Variants in RMDN1 observed in about 807,000 individuals in gnomAD.
RMDN1 encodes regulator of microtubule dynamics protein 1.
In RMDN1, 48 loss-of-function variants were observed where a neutral mutation model predicts 48.9. That is an observed-to-expected ratio of 0.98 (90% CI 0.78 to 1.25). The LOEUF (loss-of-function observed/expected upper bound fraction) is 1.25. Among genes scored for constraint, RMDN1 ranks in the 50% most tolerant of loss-of-function variants. RMDN1 has a pLI of 0.00. For missense variants in RMDN1, 418 were observed against 373.4 expected (o/e 1.12, Z -0.98); for synonymous variants, 148 against 132.6 (o/e 1.12, Z -0.80).
upstream of RMDN1, among the ~76,000 whole-genome samples, chr8:86,513,169 G>A (rs903306738): frequency 7.2e-5 from 11 of 152,188 alleles, no homozygotes; most frequent in Non-Finnish European, 7.4e-5. Context: ...GAGGTCGGGA[G>A]TTCAAGACTA....
chr8:86,468,614 T>G, downstream of RMDN1: 2 of 449,396 alleles, frequency 4.5e-6, no homozygotes, highest in Non-Finnish European at 8.9e-6. Flanking sequence ...TTTAGCAGAT[T>G]TGACTGAAGA....
At position 86,478,989 on chromosome 8, in the gene RMDN1, C is replaced by T. The variant is rs1020695287; in HGVS notation, c.663G>A (p.Met221Ile). Residue 221 changes from methionine to isoleucine, a missense_variant, in exon 7 of 10, where the codon ATG becomes ATA. Transcript: ENST00000406452. Reference protein sequence around the residue: ...MGIWCYTFAEMPWYQRRIAKM... With the variant: ...MGIWCYTFAEIPWYQRRIAKM... ...TAGCAATTCTTCTTTGATACCAAGG[C>T]ATTTCGGCAAATGTATAGCACCTAC... 4 of 1,613,748 alleles carry T rather than the reference C, an allele frequency of 2.5e-6. No individual in the cohort carries two copies. Among genetic ancestry groups the T allele is most frequent in the Non-Finnish European group, 3.4e-6 (4 of 1,179,742 alleles).
At chr8:86,505,049 G>A (rs117272573) in intron 2 of RMDN1, 6 of 1,444,594 alleles carry the variant, frequency 4.2e-6, no homozygotes, top group Non-Finnish European at 3.7e-6. Flanking sequence ...CTGCTAAGGA[G>A]ACCACCACCA....
intron 7 of RMDN1, chr8:86,478,239 A>C (rs1813726609): frequency 6.6e-6 from 1 of 152,292 alleles, no homozygotes; most frequent in South Asian, 2.1e-4. Context: ...TATTTTAATA[A>C]TATTTCTCAA....
downstream of RMDN1, among the ~76,000 whole-genome samples, chr8:86,471,758 T>C (rs1812594118): frequency 6.6e-6 from 1 of 152,190 alleles, no homozygotes; most frequent in South Asian, 2.1e-4. Flanking sequence ...AAAGATCTAA[T>C]AGAACTAATT....
At chr8:86,475,196 C>T (rs957101457) in intron 8 of RMDN1, 5 of 369,962 alleles carry the variant, frequency 1.4e-5, no homozygotes, top group African/African-American at 1.1e-4. Flanking sequence ...ATTTTCACAA[C>T]TTTGTAAGTA....
intron 5 of RMDN1, among the ~76,000 whole-genome samples, chr8:86,484,108 C>T (rs1815040311): frequency 6.6e-6 from 1 of 152,094 alleles, no homozygotes; most frequent in Non-Finnish European, 1.5e-5. Flanking sequence ...CTGGGCTTGC[C>T]CTTGTGACTT....
chr8:86,486,626 AG>A lies in RMDN1; in HGVS notation c.352del (p.Leu118CysfsTer11). The A allele has an allele frequency of 6.3e-7, 1 of 1,591,824 alleles. No individual in the cohort carries two copies. The highest frequency in any genetic ancestry group is 8.5e-7 in the Non-Finnish European group (1 of 1,170,694). The part of the protein sequence containing the change: ...QYKESEDAEL[L>X]WRLARASRDV... ...ACGTGATGCCCGTGCCAAACGCCAC[AG>A]TAACTCTGCATCTTCACTAATTTGA... On this transcript the variant is annotated frameshift_variant, in exon 4 of 10. Transcript: ENST00000406452. LOFTEE classifies it high-confidence loss of function.
intron 5 of RMDN1, 124 bp downstream of exon 5, chr8:86,484,748 T>C: frequency 2.2e-6 from 1 of 455,448 alleles, no homozygotes; most frequent in African/African-American, 2.1e-5. Flanking sequence ...AATAACAAAC[T>C]GTCATGGCTC....
At chr8:86,482,097 C>A in intron 5 of RMDN1, 1 of 581,690 alleles carries the variant, frequency 1.7e-6, no homozygotes, top group Non-Finnish European at 3.1e-6. Context: ...CTCTGGACCT[C>A]GATCTTGAAA....
intron 8 of RMDN1, among the ~76,000 whole-genome samples, chr8:86,476,375 TATC>T (rs974105234): frequency 5.3e-5 from 8 of 152,202 alleles, no homozygotes; most frequent in African/African-American, 1.4e-4. Context: ...AGATAACTGT[TATC>T]ATGAAATGAA....
chr8:86,508,309 G>A (rs1819723390), intron 1 of RMDN1, 183 bp downstream of exon 1: 1 of 597,922 alleles, frequency 1.7e-6, no homozygotes, highest in Non-Finnish European at 2.7e-6. Context: ...CCCCAGTTAA[G>A]GATAGTGGAG....
Position 86,473,992 on chromosome 8 carries a change from C to A in RMDN1, c.*316G>T, listed in dbSNP as rs1812942170. The A allele has an allele frequency of 9.3e-7, 1 of 1,075,248 alleles. No individual in the cohort carries two copies. Among genetic ancestry groups the A allele is most frequent in the South Asian group, 3.3e-5 (1 of 30,158 alleles). 66.6% of individuals were successfully genotyped at this position (1,075,248 alleles called of 1,614,324 possible). On this transcript the variant is annotated 3_prime_UTR_variant, in exon 10 of 10. Coordinates refer to ENST00000406452, the MANE Select transcript of RMDN1 (RefSeq NM_016033.3). ...CTATAGATCCATTTCCCCTCCTCTA[C>A]AAATATTTCTTTGCTTGATCTCCCA...
downstream of RMDN1, chr8:86,470,259 G>C: frequency 7.8e-7 from 1 of 1,289,320 alleles, no homozygotes; most frequent in South Asian, 1.2e-5. Flanking sequence ...TCTCAATCCA[G>C]CAGTCAGCTC....
chr8:86,492,089 G>T (rs374416042), intron 2 of RMDN1, among the ~76,000 whole-genome samples: 1 of 152,102 alleles, frequency 6.6e-6, no homozygotes, highest in Non-Finnish European at 1.5e-5. Flanking sequence ...AAGGAACACT[G>T]ATCTCAGTTC....
At chr8:86,503,293 A>G (rs1481639252) in intron 2 of RMDN1, among the ~76,000 whole-genome samples, 1 of 151,380 alleles carries the variant, frequency 6.6e-6, no homozygotes, top group Non-Finnish European at 1.5e-5. Context: ...CAGAGGTTGC[A>G]GGGAGCCGAG....
chr8:86,486,696 T>C, intron 3 of RMDN1, 53 bp from the exon 4 acceptor site: 2 of 1,440,730 alleles, frequency 1.4e-6, no homozygotes, highest in South Asian at 1.5e-5. Context: ...TTAAAAATTG[T>C]TAAGGGTTAC....
chr8:86,475,594 T>C (rs896496909), intron 8 of RMDN1, among the ~76,000 whole-genome samples: 1 of 152,122 alleles, frequency 6.6e-6, no homozygotes, highest in South Asian at 2.1e-4. Flanking sequence ...AGAACATTCT[T>C]GGCTGAAAGA....
At chr8:86,482,320 T>G (rs1253218950) in intron 5 of RMDN1, 4 of 325,888 alleles carry the variant, frequency 1.2e-5, no homozygotes, top group Non-Finnish European at 2.3e-5. Context: ...GAGAATCACT[T>G]GAACCCTGGA....
Sources: allele counts gnomAD v4.1 joint callset (sites outside exome capture counted in the v4.1 genomes callset), GRCh38; gene constraint gnomAD v4.1.1; transcripts MANE v1.5; gene names NCBI Gene and HGNC (gene_info 2026-07-23, HGNC 2026-07-21).